The following TRIO variants were observed in gnomAD, a reference collection of about 807,000 sequenced individuals.
The protein encoded by TRIO is trio Rho guanine nucleotide exchange factor.
In TRIO, 58 loss-of-function variants were observed where a neutral mutation model predicts 351.9. The observed-to-expected ratio is 0.16, with a 90% CI of 0.13 to 0.21. The LOEUF is 0.21. TRIO is among the 10% of genes least tolerant of loss of function. The pLI, the probability that TRIO is intolerant of heterozygous loss-of-function variation, is 1.00. For missense variants in TRIO, 3,201 were observed against 4,027.8 expected (o/e 0.79, Z 5.56); for synonymous variants, 1,758 against 1,595.7 (o/e 1.10, Z -2.42).
chr5:14,252,490 C>T (rs1454097877), intron 1 of TRIO, among the ~76,000 whole-genome samples: 1 of 152,212 alleles, frequency 6.6e-6, no homozygotes, highest in African/African-American at 2.4e-5. Flanking sequence ...TCACATTCTA[C>T]AACAGGTCTT....
intron 34 of TRIO, among the ~76,000 whole-genome samples, chr5:14,448,520 C>T (rs1205786239): frequency 2.0e-5 from 3 of 152,198 alleles, no homozygotes; most frequent in Non-Finnish European, 4.4e-5. Context: ...GAAAAGAGGA[C>T]CCTGGAACAG....
intron 21 of TRIO, among the ~76,000 whole-genome samples, chr5:14,384,965 T>TC (rs1746410623): frequency 6.6e-6 from 1 of 152,152 alleles, no homozygotes. Context: ...TAAACATGTG[T>TC]CATAGCAAGG....
chr5:14,464,863 C>A (rs2126518930), intron 36 of TRIO, among the ~76,000 whole-genome samples: 1 of 152,244 alleles, frequency 6.6e-6, no homozygotes, highest in Non-Finnish European at 1.5e-5. Flanking sequence ...GAAACTCGAA[C>A]TTAGTAGCCC....
At chr5:14,256,010 A>T (rs1795002235) in intron 1 of TRIO, among the ~76,000 whole-genome samples, 1 of 152,250 alleles carries the variant, frequency 6.6e-6, no homozygotes, top group African/African-American at 2.4e-5. Flanking sequence ...ATGACATACT[A>T]GTCTGTTCTT....
chr5:14,227,417 T>C (rs1793118453), intron 1 of TRIO, among the ~76,000 whole-genome samples: 1 of 152,246 alleles, frequency 6.6e-6, no homozygotes, highest in South Asian at 2.1e-4. Flanking sequence ...ACAGTGTAAC[T>C]CTAGACTTCT....
chr5:14,446,681 T>C (rs188248111), intron 34 of TRIO, among the ~76,000 whole-genome samples: 6 of 152,216 alleles, frequency 3.9e-5, no homozygotes, highest in Non-Finnish European at 1.5e-5. Flanking sequence ...TTATTAGCTT[T>C]AGTTGAGCAG....
chr5:14,332,001 T>C (rs1740942864), intron 10 of TRIO, among the ~76,000 whole-genome samples: 2 of 152,214 alleles, frequency 1.3e-5, no homozygotes, highest in South Asian at 4.1e-4. Flanking sequence ...CTGTTTTAGA[T>C]TTTAAAAGTT....
intron 1 of TRIO, among the ~76,000 whole-genome samples, chr5:14,251,478 T>C (rs1794742822): frequency 6.6e-6 from 1 of 152,210 alleles, no homozygotes; most frequent in Non-Finnish European, 1.5e-5. Context: ...GAACTGGAGA[T>C]GGCAAGGAAC....
intron 34 of TRIO, among the ~76,000 whole-genome samples, chr5:14,436,241 C>T (rs568128375): frequency 6.6e-6 from 1 of 152,304 alleles, no homozygotes; most frequent in African/African-American, 2.4e-5. Context: ...ACATGGATGG[C>T]AGCAGGCAAA....
At chr5:14,408,865 C>CT (rs199506382) in intron 33 of TRIO, among the ~76,000 whole-genome samples, 14 of 150,596 alleles carry the variant, frequency 9.3e-5, no homozygotes, top group African/African-American at 2.7e-4. Context: ...AAAGTTTATT[C>CT]TTTTTTTAAA....
chr5:14,145,137 C>T (rs1787425552), intron 1 of TRIO, among the ~76,000 whole-genome samples: 1 of 152,142 alleles, frequency 6.6e-6, no homozygotes, highest in Non-Finnish European at 1.5e-5. Flanking sequence ...CGCGGGAGGT[C>T]GGCGGTTCAC....
intron 29 of TRIO, among the ~76,000 whole-genome samples, chr5:14,397,504 G>A (rs1199288937): frequency 6.6e-6 from 1 of 152,186 alleles, no homozygotes; most frequent in African/African-American, 2.4e-5. Context: ...TTAAAAGAAT[G>A]TGTTGCTTCC....
chr5:14,485,135 A>G lies in TRIO; in HGVS notation c.6724A>G (p.Thr2242Ala). The change falls in exon 47 of 57, where the codon ACG becomes GCG. Residue 2242 changes from threonine to alanine, a missense_variant. Physicochemically the swap from Thr to Ala is moderately conservative, Grantham distance 58 (BLOSUM62 0). Coordinates refer to ENST00000344204, the MANE Select transcript of TRIO (RefSeq NM_007118.4). ...CTGTAAATTTGCTCTGACATCGAGG[A>G]CGGGTGACGTGGTAGAGACCTTCAT... is the stretch of plus-strand genomic sequence containing the variant. ...DPCKFALTSR[T>A]GDVVETFILH... 4 of 1,591,336 alleles carry G rather than the reference A, an allele frequency of 2.5e-6. No individual in the cohort carries two copies. The highest frequency in any genetic ancestry group is 2.6e-6 in the Non-Finnish European group (3 of 1,162,292).
chr5:14,398,918 C>T lies in TRIO; in HGVS notation c.4462C>T (p.Leu1488=), dbSNP rs1278793655. The change falls in exon 30 of 57, where the codon CTA becomes TTA. Residue 1488 remains leucine (L), a synonymous_variant. Transcript: ENST00000344204. ...ENIESQGELI[L]QESFQVWDPK... is the part of the protein sequence containing the mutation. ...CATTGAGTCTCAGGGAGAACTCATC[C>T]TACAGGAATCCTTCCAAGTGTGGGA... 9 of 1,614,126 alleles carry T rather than the reference C, an allele frequency of 5.6e-6. No individual in the cohort carries two copies. The highest frequency in any genetic ancestry group is 7.6e-6 in the Non-Finnish European group (9 of 1,180,016).
chr5:14,158,128 T>C (rs1361742182), intron 1 of TRIO, among the ~76,000 whole-genome samples: 2 of 152,156 alleles, frequency 1.3e-5, no homozygotes, highest in Non-Finnish European at 2.9e-5. Context: ...GCTTTTGATA[T>C]TAGAAAACTG....
At chr5:14,362,594 T>G (rs1744247012) in intron 13 of TRIO, among the ~76,000 whole-genome samples, 1 of 152,252 alleles carries the variant, frequency 6.6e-6, no homozygotes, top group Admixed American at 6.5e-5. Flanking sequence ...TATTTTAGAT[T>G]GTGTAACTTT....
intron 34 of TRIO, among the ~76,000 whole-genome samples, chr5:14,425,228 C>T (rs1377991414): frequency 6.6e-6 from 1 of 152,220 alleles, no homozygotes; most frequent in African/African-American, 2.4e-5. Context: ...AAACCCTCCG[C>T]TCTCTCCTCC....
intron 1 of TRIO, among the ~76,000 whole-genome samples, chr5:14,230,758 ATT>A (rs1793366901): frequency 6.6e-6 from 1 of 152,088 alleles, no homozygotes; most frequent in South Asian, 2.1e-4. Context: ...GTTTCAAGAT[ATT>A]GGTGAGTCTT....
intron 1 of TRIO, among the ~76,000 whole-genome samples, chr5:14,246,562 C>T (rs1401708298): frequency 2.6e-5 from 4 of 152,258 alleles, no homozygotes; most frequent in African/African-American, 4.8e-5. Flanking sequence ...CAGTCTCAAC[C>T]GGAATGTCAC....
Sources: allele counts gnomAD v4.1 joint callset (sites outside exome capture counted in the v4.1 genomes callset), GRCh38; gene constraint gnomAD v4.1.1; transcripts MANE v1.5; gene names NCBI Gene and HGNC (gene_info 2026-07-23, HGNC 2026-07-21).